Variants in CBL observed in about 807,000 individuals in gnomAD.
CBL encodes E3 ubiquitin-protein ligase CBL.
Under a neutral mutation model 96.9 loss-of-function variants are expected in CBL, and 45 were observed. The observed-to-expected ratio is 0.46, with a 90% confidence interval of 0.37 to 0.60. CBL has a LOEUF of 0.60. Ranked by LOEUF, CBL falls within the 20% of genes least tolerant of loss-of-function variation. CBL has a pLI of 0.00. For missense variants in CBL, 1,024 were observed against 1,143.5 expected (o/e 0.90, Z 1.51); for synonymous variants, 420 against 426.8 (o/e 0.98, Z 0.20).
rs1007357243 is a variant in CBL, at chr11:119,302,300, A to T, written c.*2519A>T. The T allele has an allele frequency of 3.0e-5, 7 of 232,634 alleles. No homozygotes were observed. The highest frequency in any genetic ancestry group is 1.5e-4 in the African/African-American group (7 of 45,336). 14.4% of individuals were successfully genotyped at this position (232,634 alleles called of 1,614,324 possible). A position where few individuals can be genotyped will look rare whatever the true frequency, so the allele number is the denominator to read the frequency against. ...TCTGTGCCTGAGATTGCCAGGCAAGATTAAGGAAAGTTTTCATGTGGCTTT... is the reference window on the plus strand; with the variant it reads ...TCTGTGCCTGAGATTGCCAGGCAAGTTTAAGGAAAGTTTTCATGTGGCTTT... On this transcript the variant is annotated 3_prime_UTR_variant, in exon 16 of 16. Coordinates refer to ENST00000264033, the MANE Select transcript of CBL (RefSeq NM_005188.4).
chr11:119,301,809 C>CT lies in CBL; in HGVS notation c.*2030dup, dbSNP rs1950104077. 4.3e-6 allele frequency: 1 copy of CT among 233,104 alleles called. No homozygotes were observed. Among genetic ancestry groups the CT allele is most frequent in the Admixed American group, 5.6e-5 (1 of 17,770 alleles). 14.4% of individuals were successfully genotyped at this position (233,104 alleles called of 1,614,324 possible). A position where few individuals can be genotyped will look rare whatever the true frequency, so the allele number is the denominator to read the frequency against. On this transcript the variant is annotated 3_prime_UTR_variant, in exon 16 of 16. Coordinates refer to ENST00000264033, the MANE Select transcript of CBL (RefSeq NM_005188.4). ...ATATCAAACAGTAGACCGCCATCAA[C>CT]TTCTAACAGCCAGTACACACACTGT...
chr11:119,253,774 C>T (rs1949689789), intron 2 of CBL, among the ~76,000 whole-genome samples: 1 of 150,426 alleles, frequency 6.6e-6, no homozygotes. Context: ...GAGGTTTAGG[C>T]TGCAGTGAGC....
chr11:119,207,077 T>C (rs903119454), intron 1 of CBL, among the ~76,000 whole-genome samples: 2 of 152,108 alleles, frequency 1.3e-5, no homozygotes, highest in Non-Finnish European at 2.9e-5. Context: ...TCATGGGCTC[T>C]GACTGAGGAA....
intron 1 of CBL, among the ~76,000 whole-genome samples, chr11:119,210,177 C>T (rs2135247281): frequency 6.6e-6 from 1 of 152,202 alleles, no homozygotes; most frequent in African/African-American, 2.4e-5. Flanking sequence ...AGCTTCAGCC[C>T]AGGAATTCCA....
chr11:119,297,252 C>T (rs950780550), intron 13 of CBL, 132 bp from the exon 14 acceptor site: 2 of 805,874 alleles, frequency 2.5e-6, no homozygotes, highest in African/African-American at 3.3e-5. Flanking sequence ...ACACATACAC[C>T]TATAACTTGC....
intron 12 of CBL, among the ~76,000 whole-genome samples, chr11:119,288,842 G>T (rs753344573): frequency 1.3e-5 from 2 of 152,104 alleles, no homozygotes; most frequent in Admixed American, 6.5e-5. Flanking sequence ...AAATCTATGC[G>T]CACACTGAGA....
intron 2 of CBL, among the ~76,000 whole-genome samples, chr11:119,247,036 T>C (rs564914053): frequency 6.6e-6 from 1 of 152,280 alleles, no homozygotes; most frequent in South Asian, 2.1e-4. Context: ...AAAAATGAAA[T>C]TTTGCTTAAA....
intron 15 of CBL, 134 bp from the exon 16 acceptor site, chr11:119,299,361 G>T: frequency 1.3e-6 from 1 of 792,724 alleles, no homozygotes; most frequent in Middle Eastern, 2.7e-4. Flanking sequence ...GTAAAACCCA[G>T]CCTTGTGACT....
chr11:119,239,260 C>T (rs1949567781), intron 2 of CBL, among the ~76,000 whole-genome samples: 1 of 152,166 alleles, frequency 6.6e-6, no homozygotes, highest in Non-Finnish European at 1.5e-5. Context: ...CATGAGCCAC[C>T]TTGCCTGGCC....
chr11:119,216,621 C>T (rs867055501), intron 1 of CBL, among the ~76,000 whole-genome samples: 13 of 152,080 alleles, frequency 8.5e-5, no homozygotes, highest in African/African-American at 2.4e-4. Context: ...CCGCCTGCCT[C>T]GGCCTCCCAA....
chr11:119,270,313 C>G (rs1310701206), intron 2 of CBL, among the ~76,000 whole-genome samples: 2 of 142,300 alleles, frequency 1.4e-5, no homozygotes, highest in Non-Finnish European at 3.0e-5. Context: ...GACACAAACT[C>G]AGCTCACTGC....
Position 119,285,361 on chromosome 11 carries a change from C to T in CBL, c.1736C>T (p.Pro579Leu), listed in dbSNP as rs755812040. The change falls in exon 11 of 16, where the codon CCC becomes CTC. Residue 579 changes from proline (P) to leucine (L), a missense_variant. By Grantham distance (98) the Pro-to-Leu change is moderately conservative. Transcript: ENST00000264033. ...PGDCPSRDKL[P>L]PVPSSRLGDS... Reference sequence around the variant, plus strand: ...GACTGTCCCTCCAGAGACAAACTGCCCCCTGTCCCCTCTAGCCGCCTTGGA... The same window carrying T: ...GACTGTCCCTCCAGAGACAAACTGCTCCCTGTCCCCTCTAGCCGCCTTGGA... The T allele has an allele frequency of 6.2e-7, 1 of 1,614,172 alleles. No homozygotes were observed. Among genetic ancestry groups the T allele is most frequent in the Admixed American group, 1.7e-5 (1 of 60,012 alleles).
rs571703892 is a variant in CBL at position 119,283,373 on chromosome 11, C to G, written c.1432-1596C>G. Among the ~76,000 whole-genome samples, 4 of 152,130 alleles carry G rather than the reference C, an allele frequency of 2.6e-5. No homozygotes were observed. The South Asian group carries it at 8.3e-4, about 32-fold the overall frequency. ...GTCATCCACCACCCAGCACTAATAACATGACTAAATATGGCTGTTTTTCTG... is the reference window on the plus strand; with the variant it reads ...GTCATCCACCACCCAGCACTAATAAGATGACTAAATATGGCTGTTTTTCTG... On this transcript the variant is annotated intron_variant, in intron 9 of 15. Transcript: ENST00000264033.
intron 2 of CBL, among the ~76,000 whole-genome samples, chr11:119,241,749 G>T (rs146256670): frequency 6.6e-6 from 1 of 152,286 alleles, no homozygotes; most frequent in Non-Finnish European, 1.5e-5. Context: ...GGTTAAAAAT[G>T]TCCTTGCATT....
chr11:119,216,034 A>G (rs1394334491), intron 1 of CBL, among the ~76,000 whole-genome samples: 1 of 152,208 alleles, frequency 6.6e-6, no homozygotes, highest in African/African-American at 2.4e-5. Context: ...CTGGTGGTGC[A>G]CATCCACTGG....
chr11:119,290,619 CAA>C (rs113629941), intron 12 of CBL, among the ~76,000 whole-genome samples: 47 of 134,104 alleles, frequency 3.5e-4, no homozygotes, highest in Non-Finnish European at 3.9e-4. Context: ...GACTCTGTCT[CAA>C]AAAAAAAAAA....
chr11:119,277,714 CA>C, intron 6 of CBL, 42 bp from the exon 7 acceptor site: 1 of 1,374,596 alleles, frequency 7.3e-7, no homozygotes, highest in Non-Finnish European at 1.0e-6. Context: ...CAAGCACTGG[CA>C]AATTGGCTTA....
intron 2 of CBL, among the ~76,000 whole-genome samples, chr11:119,262,768 G>A (rs1949763826): frequency 6.6e-6 from 1 of 152,176 alleles, no homozygotes; most frequent in Non-Finnish European, 1.5e-5. Context: ...AAAACTATGA[G>A]CAAGTTGCTG....
rs1486302613 is a variant in CBL at position 119,285,585 on chromosome 11, A to G, written c.1941+19A>G. ...CTCCATGGTGAGTCTTAATTTTGAA[A>G]CTATCTAACCTGTTAAGAAATATGT... On this transcript the variant is annotated intron_variant, in intron 11 of 15. Coordinates refer to ENST00000264033, the MANE Select transcript of CBL (RefSeq NM_005188.4). 1 of 1,612,572 alleles carries G rather than the reference A, an allele frequency of 6.2e-7. No homozygotes were observed.
Sources: gnomAD v4.1 joint callset for allele counts (sites outside exome capture counted in the v4.1 genomes callset) on GRCh38, gnomAD v4.1.1 for gene constraint, MANE v1.5 for transcripts, NCBI Gene and HGNC (gene_info 2026-07-23, HGNC 2026-07-21) for gene names.